TMEM217B: variants seen among roughly 807,000 people sequenced by gnomAD.
The protein encoded by TMEM217B is transmembrane protein 217B, also known as putative transmembrane protein 217B.
the TMEM217B span, among the ~76,000 whole-genome samples, chr6:37,241,508 C>A: frequency 1.3e-5 from 2 of 152,028 alleles, no homozygotes; most frequent in Non-Finnish European, 2.9e-5. Context: ...AACTCATGTG[C>A]GGCTAGAAGC....
At chr6:37,217,907 G>A in the TMEM217B span, 1 of 985,886 alleles carries the variant, frequency 1.0e-6, no homozygotes, top group Non-Finnish European at 1.2e-6. Flanking sequence ...GTAGAAAGGT[G>A]AGTTCACAGA....
chr6:37,233,658 T>C, the TMEM217B span, among the ~76,000 whole-genome samples: 2 of 152,198 alleles, frequency 1.3e-5, no homozygotes, highest in South Asian at 4.1e-4. Context: ...GAGGGACATA[T>C]ACATTCTAAC....
At chr6:37,239,670 T>C in the TMEM217B span, among the ~76,000 whole-genome samples, 1 of 152,128 alleles carries the variant, frequency 6.6e-6, no homozygotes, top group Non-Finnish European at 1.5e-5. Context: ...TCTCATCAAG[T>C]TGACTTGTGA....
the TMEM217B span, among the ~76,000 whole-genome samples, chr6:37,233,649 A>G: frequency 2.0e-5 from 3 of 152,170 alleles, no homozygotes; most frequent in Non-Finnish European, 2.9e-5. Context: ...TGAATTTTGG[A>G]GGGACATATA....
At chr6:37,250,184 T>TACAA in the TMEM217B span, among the ~76,000 whole-genome samples, 2 of 152,154 alleles carry the variant, frequency 1.3e-5, no homozygotes. Context: ...TACTTAAGGT[T>TACAA]ACAAACATAG....
chr6:37,242,310 C>G, the TMEM217B span, among the ~76,000 whole-genome samples: 1 of 152,194 alleles, frequency 6.6e-6, no homozygotes, highest in African/African-American at 2.4e-5. Context: ...ACCTGTACCT[C>G]TCTATTCCCC....
the TMEM217B span, among the ~76,000 whole-genome samples, chr6:37,221,333 TG>T: frequency 6.6e-6 from 1 of 151,994 alleles, no homozygotes; most frequent in South Asian, 2.1e-4. Flanking sequence ...ACTACAGGAG[TG>T]CACCACCACA....
the TMEM217B span, among the ~76,000 whole-genome samples, chr6:37,224,156 C>T: frequency 1.3e-5 from 2 of 149,494 alleles, no homozygotes; most frequent in Non-Finnish European, 3.0e-5. Context: ...CCAGGCTGGT[C>T]TTGAACTCCT....
the TMEM217B span, among the ~76,000 whole-genome samples, chr6:37,231,210 C>T: frequency 1.3e-5 from 2 of 149,570 alleles, no homozygotes; most frequent in African/African-American, 4.9e-5. Context: ...CAGGTGCAAG[C>T]CACCATGCCT....
the TMEM217B span, among the ~76,000 whole-genome samples, chr6:37,232,762 G>C: frequency 1.3e-5 from 2 of 152,158 alleles, no homozygotes. Context: ...GCCCTCCGCG[G>C]AATCTTCCAT....
the TMEM217B span, chr6:37,218,768 G>A: frequency 1.2e-6 from 2 of 1,614,174 alleles, no homozygotes; most frequent in South Asian, 1.1e-5. Flanking sequence ...GAAGATCTGG[G>A]CATACACTGA....
the TMEM217B span, among the ~76,000 whole-genome samples, chr6:37,246,902 CAA>C: frequency 8.9e-3 from 1,261 of 141,864 alleles, 5 homozygotes; most frequent in South Asian, 0.011. Flanking sequence ...GACTCTGTCT[CAA>C]AAAAAAAAAA....
At chr6:37,248,014 C>T in the TMEM217B span, among the ~76,000 whole-genome samples, 20 of 152,290 alleles carry the variant, frequency 1.3e-4, no homozygotes, top group South Asian at 3.5e-3. Flanking sequence ...TCCTTGTAGA[C>T]ATCCATAGTT....
At chr6:37,229,932 T>C in the TMEM217B span, among the ~76,000 whole-genome samples, 1 of 152,224 alleles carries the variant, frequency 6.6e-6, no homozygotes, top group Non-Finnish European at 1.5e-5. Flanking sequence ...AATGGAGGTA[T>C]CCTGGGCTAG....
chr6:37,252,805 ATTTTT>A, the TMEM217B span, among the ~76,000 whole-genome samples: 1 of 151,222 alleles, frequency 6.6e-6, no homozygotes, highest in Admixed American at 6.6e-5. Context: ...CACTCCACTA[ATTTTT>A]TGTATTTTTG....
At chr6:37,237,996 C>T in the TMEM217B span, among the ~76,000 whole-genome samples, 1 of 152,024 alleles carries the variant, frequency 6.6e-6, no homozygotes, top group African/African-American at 2.4e-5. Context: ...GCTGACCAGA[C>T]ACTAATTTTA....
At chr6:37,254,339 C>T in the TMEM217B span, among the ~76,000 whole-genome samples, 1 of 152,182 alleles carries the variant, frequency 6.6e-6, no homozygotes, top group Non-Finnish European at 1.5e-5. Flanking sequence ...AACCTCAAAC[C>T]AATGATTTAC....
the TMEM217B span, among the ~76,000 whole-genome samples, chr6:37,241,795 A>G: frequency 6.6e-6 from 1 of 152,192 alleles, no homozygotes; most frequent in Non-Finnish European, 1.5e-5. Flanking sequence ...TTTCTTATTT[A>G]AAACTCCATT....
the TMEM217B span, among the ~76,000 whole-genome samples, chr6:37,229,490 C>T: frequency 2.6e-5 from 4 of 151,736 alleles, no homozygotes. Flanking sequence ...CTACAGGCGC[C>T]CGCCACCACG....
Sources: gnomAD v4.1 joint callset for allele counts (sites outside exome capture counted in the v4.1 genomes callset) on GRCh38, gnomAD v4.1.1 for gene constraint, MANE v1.5 for transcripts, NCBI Gene and HGNC (gene_info 2026-07-23, HGNC 2026-07-21) for gene names.